The following PLEKHG1 variants were observed in gnomAD, a reference collection of about 807,000 sequenced individuals.
PLEKHG1 encodes the protein pleckstrin homology and RhoGEF domain containing G1, also known as pleckstrin homology domain-containing family G member 1.
PLEKHG1 carries 44 observed loss-of-function variants against 100.8 expected under a neutral mutation model. The ratio of observed to expected loss-of-function variants is 0.44; its 90% CI spans 0.34 to 0.56. The LOEUF (loss-of-function observed/expected upper bound fraction) is 0.56, where lower values mean the gene tolerates loss of function less well. PLEKHG1 is among the 20% of genes least tolerant of loss of function. The pLI is 0.01. For missense variants in PLEKHG1, 1,545 were observed against 1,720.9 expected, an observed-to-expected ratio of 0.90 and a Z score of 1.81; for synonymous variants, 640 against 662.5, an observed-to-expected ratio of 0.97 and a Z score of 0.52.
At chr6:150,815,983 C>T (rs1229609762) in intron 10 of PLEKHG1, among the ~76,000 whole-genome samples, 2 of 152,208 alleles carry the variant, frequency 1.3e-5, no homozygotes, top group East Asian at 1.9e-4. Context: ...AAGCACATTA[C>T]GTTTATTGTG....
intron 2 of PLEKHG1, among the ~76,000 whole-genome samples, chr6:150,755,508 G>C (rs1384671854): frequency 6.6e-6 from 1 of 152,098 alleles, no homozygotes; most frequent in African/African-American, 2.4e-5. Flanking sequence ...TGCTGCTCTG[G>C]GAAGGAACCT....
upstream of PLEKHG1, among the ~76,000 whole-genome samples, chr6:150,716,875 A>G (rs904014134): frequency 3.3e-5 from 5 of 152,126 alleles, no homozygotes; most frequent in Non-Finnish European, 7.4e-5. Flanking sequence ...TGTTTGAGAC[A>G]GGCTCTTGCT....
exon 16 of PLEKHG1, chr6:150,840,773 A>G: frequency 6.2e-7 from 1 of 1,614,164 alleles, no homozygotes; most frequent in Non-Finnish European, 8.5e-7. Flanking sequence ...CATATCTGAC[A>G]CCATATAATG....
chr6:150,742,931 C>T (rs2034532943), intron 2 of PLEKHG1, among the ~76,000 whole-genome samples: 1 of 152,110 alleles, frequency 6.6e-6, no homozygotes, highest in Non-Finnish European at 1.5e-5. Flanking sequence ...CTGAGGTTGC[C>T]ATCCCAGTCA....
intron 3 of PLEKHG1, among the ~76,000 whole-genome samples, chr6:150,701,095 G>A (rs1028305174): frequency 4.0e-5 from 6 of 151,898 alleles, no homozygotes; most frequent in African/African-American, 1.5e-4. Context: ...TGAGGTGGGT[G>A]GATCACTTGA....
intron 3 of PLEKHG1, among the ~76,000 whole-genome samples, chr6:150,699,685 G>A (rs745597301): frequency 2.6e-5 from 4 of 152,092 alleles, no homozygotes; most frequent in South Asian, 2.1e-4. Flanking sequence ...AACACCCCGC[G>A]AGGCCATGAA....
intron 3 of PLEKHG1, among the ~76,000 whole-genome samples, chr6:150,697,172 A>G (rs968355272): frequency 6.6e-6 from 1 of 152,188 alleles, no homozygotes; most frequent in Non-Finnish European, 1.5e-5. Context: ...AAATTTCCCC[A>G]GGAGATAAAA....
At chr6:150,652,920 C>T (rs550962177) in intron 3 of PLEKHG1, among the ~76,000 whole-genome samples, 1 of 152,188 alleles carries the variant, frequency 6.6e-6, no homozygotes, top group South Asian at 2.1e-4. Flanking sequence ...TTGAAGTACT[C>T]AAAGTTATTA....
At chr6:150,622,057 GA>G (rs1457238227) in intron 1 of PLEKHG1, among the ~76,000 whole-genome samples, 1 of 152,028 alleles carries the variant, frequency 6.6e-6, no homozygotes, top group Non-Finnish European at 1.5e-5. Flanking sequence ...TTCCTCCTCC[GA>G]GAGCTCTGTC....
intron 3 of PLEKHG1, among the ~76,000 whole-genome samples, chr6:150,704,216 G>T (rs749837023): frequency 6.6e-6 from 1 of 152,126 alleles, no homozygotes; most frequent in Non-Finnish European, 1.5e-5. Context: ...CAGCATAAAC[G>T]CACTCTTCAT....
At chr6:150,652,731 A>AG (rs1402868330) in intron 3 of PLEKHG1, among the ~76,000 whole-genome samples, 1 of 152,026 alleles carries the variant, frequency 6.6e-6, no homozygotes, top group Non-Finnish European at 1.5e-5. Flanking sequence ...AAAAAAAAAA[A>AG]AAAAGAAAAA....
chr6:150,804,277 C>T, intron 6 of PLEKHG1, among the ~76,000 whole-genome samples: 1 of 144,462 alleles, frequency 6.9e-6, no homozygotes, highest in Non-Finnish European at 1.5e-5. Context: ...ACCTCTGTCC[C>T]CCAGGTTCAA....
chr6:150,832,126 G>T (rs765211450), exon 15 of PLEKHG1: 1 of 1,613,698 alleles, frequency 6.2e-7, no homozygotes, highest in Non-Finnish European at 8.5e-7. Flanking sequence ...AGCAGCCGCC[G>T]GCCAGTCAGC....
At position 150,836,827 on chromosome 6, in the gene PLEKHG1, A is replaced by AAG. The variant is rs1220152696; in HGVS notation, c.3095-3005_3095-3004insGA. Reference sequence around the variant, plus strand: ...AACAGAATAAGACCCTGTCTCAAAAAAAAAAAAAAGAAAAGAAAAGCTCAG... The same window carrying AAG: ...AACAGAATAAGACCCTGTCTCAAAAAAGAAAAAAAAAGAAAAGAAAAGCTCAG... On this transcript the variant is annotated intron_variant, in intron 15 of 15. Coordinates refer to ENST00000358517, the Ensembl canonical transcript of PLEKHG1. 3.3e-5 allele frequency among the ~76,000 whole-genome samples: 5 copies of AAG among 151,748 alleles called. No individual in the cohort carries two copies. In the East Asian group the frequency reaches 9.7e-4, roughly 29 times the overall value.
chr6:150,786,552 CA>C (rs1785632976), intron 4 of PLEKHG1, 93 bp downstream of exon 5: 3 of 803,660 alleles, frequency 3.7e-6, no homozygotes, highest in East Asian at 2.5e-5. Context: ...TGTTTCATAT[CA>C]GATAGAGTTA....
intron 2 of PLEKHG1, among the ~76,000 whole-genome samples, chr6:150,644,689 T>A (rs1778418486): frequency 6.6e-6 from 1 of 152,150 alleles, no homozygotes; most frequent in Non-Finnish European, 1.5e-5. Flanking sequence ...CCAAATATAT[T>A]TTTTTAAGTT....
At chr6:150,749,997 A>T (rs1265114980) in intron 2 of PLEKHG1, among the ~76,000 whole-genome samples, 5 of 151,162 alleles carry the variant, frequency 3.3e-5, no homozygotes, top group African/African-American at 1.2e-4. Flanking sequence ...GCTTGAAACC[A>T]GGAGGCTGAG....
intron 3 of PLEKHG1, among the ~76,000 whole-genome samples, chr6:150,716,059 G>T (rs1486687083): frequency 6.8e-6 from 1 of 147,564 alleles, no homozygotes; most frequent in Non-Finnish European, 1.5e-5. Context: ...AGTGAGCCGA[G>T]ATCGCGCCAC....
chr6:150,692,835 C>T (rs528689506), intron 3 of PLEKHG1, among the ~76,000 whole-genome samples: 1 of 152,274 alleles, frequency 6.6e-6, no homozygotes, highest in Non-Finnish European at 1.5e-5. Context: ...GTTACACTGT[C>T]AGAGCGAGTG....
Sources: allele counts gnomAD v4.1 joint callset (sites outside exome capture counted in the v4.1 genomes callset), GRCh38; gene constraint gnomAD v4.1.1; transcripts MANE v1.5; gene names NCBI Gene and HGNC (gene_info 2026-07-23, HGNC 2026-07-21).